The following THEM4 variants were observed in gnomAD, a reference collection of about 807,000 sequenced individuals.
THEM4 encodes acyl-coenzyme A thioesterase THEM4.
In THEM4, 22 loss-of-function variants were observed where a neutral mutation model predicts 25.0. The ratio of observed to expected loss-of-function variants is 0.88; its 90% CI spans 0.63 to 1.26. THEM4 has a LOEUF of 1.26. Ranked by LOEUF, THEM4 falls within the 50% of genes most tolerant of loss-of-function variation. THEM4 has a pLI of 0.00. For missense variants in THEM4, 286 were observed against 300.3 expected (o/e 0.95, Z 0.35); for synonymous variants, 113 against 105.6 (o/e 1.07, Z -0.43).
chr1:151,903,622 A>T (rs1654398834), intron 1 of THEM4, among the ~76,000 whole-genome samples: 2 of 152,234 alleles, frequency 1.3e-5, no homozygotes, highest in African/African-American at 4.8e-5. Flanking sequence ...ACATGAATCT[A>T]GAAGTAACCC....
At chr1:151,882,031 T>A (rs1485843181) in intron 4 of THEM4, among the ~76,000 whole-genome samples, 1 of 148,640 alleles carries the variant, frequency 6.7e-6, no homozygotes, top group Non-Finnish European at 1.5e-5. Context: ...TTCAGGGTAA[T>A]TTTTTTTTTC....
At chr1:151,907,075 T>A (rs1288433542) in intron 1 of THEM4, among the ~76,000 whole-genome samples, 1 of 151,910 alleles carries the variant, frequency 6.6e-6, no homozygotes, top group African/African-American at 2.4e-5. Flanking sequence ...CTTTATGAGC[T>A]GTAACACTCA....
At chr1:151,898,082 G>A (rs1348746234) in intron 1 of THEM4, among the ~76,000 whole-genome samples, 2 of 152,186 alleles carry the variant, frequency 1.3e-5, no homozygotes, top group Non-Finnish European at 2.9e-5. Context: ...CTGGGGAGAA[G>A]CTTCCTGGCC....
intron 4 of THEM4, among the ~76,000 whole-genome samples, chr1:151,886,447 GTTA>G (rs922151916): frequency 7.2e-5 from 11 of 152,076 alleles, no homozygotes; most frequent in African/African-American, 2.7e-4. Context: ...TAGGAACGAT[GTTA>G]TACTTCATTA....
At chr1:151,905,670 G>A (rs1488452883) in intron 1 of THEM4, among the ~76,000 whole-genome samples, 1 of 152,122 alleles carries the variant, frequency 6.6e-6, no homozygotes. Flanking sequence ...CTCAACAAAA[G>A]GATAAGAAAA....
At chr1:151,887,862 A>G (rs149197799) in intron 4 of THEM4, among the ~76,000 whole-genome samples, 2 of 152,136 alleles carry the variant, frequency 1.3e-5, no homozygotes, top group East Asian at 1.9e-4. Flanking sequence ...TCCTTTCTTC[A>G]CTTGTTTTGG....
chr1:151,885,401 G>A (rs1653946405), intron 4 of THEM4, among the ~76,000 whole-genome samples: 1 of 152,258 alleles, frequency 6.6e-6, no homozygotes, highest in Non-Finnish European at 1.5e-5. Flanking sequence ...TTACAGGCGT[G>A]AGCCACTGTG....
chr1:151,889,440 C>A (rs1654042709), intron 2 of THEM4, 67 bp from the exon 3 acceptor site: 6 of 1,486,554 alleles, frequency 4.0e-6, no homozygotes, highest in Non-Finnish European at 5.5e-6. Context: ...CAGAGCCAAG[C>A]ACCTGTACCC....
intron 4 of THEM4, among the ~76,000 whole-genome samples, chr1:151,882,827 T>C (rs537624906): frequency 6.6e-6 from 1 of 152,268 alleles, no homozygotes; most frequent in South Asian, 2.1e-4. Flanking sequence ...GAGAAATGAT[T>C]TGAAGGTTTA....
chr1:151,878,963 T>C (rs544510739), intron 4 of THEM4, among the ~76,000 whole-genome samples: 1 of 133,200 alleles, frequency 7.5e-6, no homozygotes, highest in African/African-American at 2.8e-5. Flanking sequence ...AGATAACTCT[T>C]TGAAAAGACT....
intron 2 of THEM4, among the ~76,000 whole-genome samples, chr1:151,893,242 T>C (rs1252327894): frequency 1.3e-5 from 2 of 151,756 alleles, no homozygotes; most frequent in Non-Finnish European, 2.9e-5. Flanking sequence ...TGTGGTGGCA[T>C]GCACCTGTAA....
chr1:151,880,302 CCT>C (rs775569492), intron 4 of THEM4, among the ~76,000 whole-genome samples: 5 of 151,782 alleles, frequency 3.3e-5, no homozygotes, highest in African/African-American at 4.8e-5. Flanking sequence ...ATGGTGAAAC[CCT>C]GTCTCTACTA....
rs1653546089 is a variant in THEM4, at chr1:151,871,170, CA to C, written c.*3717del. 6.6e-6 allele frequency among the ~76,000 whole-genome samples: 1 copy of C among 151,774 alleles called. No individual in the cohort carries two copies. Among genetic ancestry groups the C allele is most frequent in the Non-Finnish European group, 1.5e-5 (1 of 67,942 alleles). On this transcript the variant is annotated 3_prime_UTR_variant, in exon 6 of 6. Transcript: ENST00000368814. ...CAAAACCCTGTCTCTACAAACAATA[CA>C]AAAATTAGCTGGGTTTGGTGGTGTA... is the stretch of plus-strand genomic sequence containing the variant.
chr1:151,900,808 G>A (rs1457772767), intron 1 of THEM4, among the ~76,000 whole-genome samples: 2 of 152,154 alleles, frequency 1.3e-5, no homozygotes. Context: ...CCCCAAAACT[G>A]GCCATAAACA....
intron 1 of THEM4, 108 bp from the exon 2 acceptor site, chr1:151,895,302 G>T: frequency 1.0e-6 from 1 of 969,986 alleles, no homozygotes; most frequent in Admixed American, 2.8e-5. Flanking sequence ...CTCCCCATAA[G>T]CTTGTCACTT....
chr1:151,904,952 A>C (rs1029531828), intron 1 of THEM4, among the ~76,000 whole-genome samples: 6 of 152,244 alleles, frequency 3.9e-5, no homozygotes, highest in African/African-American at 1.4e-4. Context: ...TAATGTAGAA[A>C]TAGAAATAAT....
In THEM4 at chr1:151,894,984, T is replaced by C. The variant is rs200773044; in HGVS notation, c.286+24A>G. Reference sequence around the variant, plus strand: ...CTTTATATTTGATGCTCAGATATATTAATGGGAAAGTGGCTGTTTCTACCA... The same window carrying C: ...CTTTATATTTGATGCTCAGATATATCAATGGGAAAGTGGCTGTTTCTACCA... On this transcript the variant is annotated intron_variant, in intron 2 of 5. Transcript: ENST00000368814. 38 of 1,610,876 alleles carry C rather than the reference T, an allele frequency of 2.4e-5. No individual in the cohort carries two copies. In the East Asian group the frequency reaches 8.2e-4, roughly 35 times the overall value.
chr1:151,889,075 T>TATA (rs1654032470), intron 3 of THEM4, 139 bp downstream of exon 3: 1 of 532,298 alleles, frequency 1.9e-6, no homozygotes, highest in African/African-American at 1.9e-5. Flanking sequence ...AATAATGTAT[T>TATA]ATAAACATCT....
intron 2 of THEM4, among the ~76,000 whole-genome samples, chr1:151,894,534 A>G (rs1320611916): frequency 3.3e-5 from 5 of 152,224 alleles, no homozygotes; most frequent in Admixed American, 6.5e-5. Context: ...CTAAAAAAGT[A>G]TATTAGTAAA....
Sources: allele counts gnomAD v4.1 joint callset (sites outside exome capture counted in the v4.1 genomes callset), GRCh38; gene constraint gnomAD v4.1.1; transcripts MANE v1.5; gene names NCBI Gene and HGNC (gene_info 2026-07-23, HGNC 2026-07-21).